The following RALGAPA2 variants were observed in gnomAD, a reference collection of about 807,000 sequenced individuals.
RALGAPA2 encodes ral GTPase-activating protein subunit alpha-2.
Under a neutral mutation model 230.4 loss-of-function variants are expected in RALGAPA2, and 139 were observed. The observed-to-expected ratio is 0.60, with a 90% CI of 0.53 to 0.69. RALGAPA2 has a LOEUF of 0.69. Among genes scored for constraint, RALGAPA2 ranks in the 30% least tolerant of loss-of-function variants. The pLI is 0.00. For missense variants in RALGAPA2, 2,163 were observed against 2,276.0 expected, an observed-to-expected ratio of 0.95 and a Z score of 1.01; for synonymous variants, 847 against 837.8, an observed-to-expected ratio of 1.01 and a Z score of -0.19.
Position 20,513,123 on chromosome 20 carries a change from G to T in RALGAPA2, c.4246C>A (p.Leu1416Met). 6.4e-7 allele frequency: 1 copy of T among 1,573,046 alleles called. No individual in the cohort carries two copies. Among genetic ancestry groups the T allele is most frequent in the Non-Finnish European group, 8.6e-7 (1 of 1,162,858 alleles). ...GGACTTCTGAACACCTCAAAGGACAGCTCGGAGCCTTCCACATGGGCATTG... is the reference window on the plus strand; with the variant it reads ...GGACTTCTGAACACCTCAAAGGACATCTCGGAGCCTTCCACATGGGCATTG... The part of the protein sequence containing the change: ...HDNAHVEGSE[L>M]SFEVFRSPNL... The change falls in exon 32 of 40, where the codon CTG (leucine) becomes ATG (methionine). Residue 1416 changes from leucine to methionine, a missense_variant. Physicochemically the swap from Leu to Met is conservative, Grantham distance 15. Transcript: ENST00000202677.
At chr20:20,702,639 G>A (rs1172578813) in intron 1 of RALGAPA2, among the ~76,000 whole-genome samples, 2 of 152,316 alleles carry the variant, frequency 1.3e-5, no homozygotes, top group African/African-American at 2.4e-5. Flanking sequence ...GGTAGATTCA[G>A]GGAGCAGCAG....
intron 23 of RALGAPA2, among the ~76,000 whole-genome samples, chr20:20,554,079 C>T (rs540529722): frequency 4.6e-5 from 7 of 152,116 alleles, no homozygotes; most frequent in South Asian, 2.1e-4. Flanking sequence ...ATTGTGCAAC[C>T]GTAGCCACTA....
chr20:20,642,544 T>A (rs2146524615), intron 5 of RALGAPA2, among the ~76,000 whole-genome samples: 1 of 152,268 alleles, frequency 6.6e-6, no homozygotes, highest in African/African-American at 2.4e-5. Flanking sequence ...TTATATTTAA[T>A]TGAACAAGAG....
intron 1 of RALGAPA2, among the ~76,000 whole-genome samples, chr20:20,694,550 C>T (rs2069036536): frequency 6.6e-6 from 1 of 152,200 alleles, no homozygotes; most frequent in African/African-American, 2.4e-5. Flanking sequence ...CTCACAGGCA[C>T]ACAATCTGCT....
intron 18 of RALGAPA2, 60 bp downstream of exon 18, chr20:20,589,208 C>G: frequency 6.7e-7 from 1 of 1,482,566 alleles, no homozygotes; most frequent in Non-Finnish European, 9.0e-7. Flanking sequence ...AATTTACTTA[C>G]TGAGCACTAA....
intron 37 of RALGAPA2, among the ~76,000 whole-genome samples, chr20:20,450,221 A>G (rs2060957728): frequency 6.6e-6 from 1 of 152,226 alleles, no homozygotes; most frequent in Non-Finnish European, 1.5e-5. Flanking sequence ...ACTAACATCA[A>G]TTAGATGCTT....
intron 37 of RALGAPA2, among the ~76,000 whole-genome samples, chr20:20,441,423 C>T (rs766022868): frequency 6.6e-6 from 1 of 152,208 alleles, no homozygotes; most frequent in Non-Finnish European, 1.5e-5. Context: ...TTGAAACAAA[C>T]AAACAGCTAG....
At chr20:20,663,304 T>A (rs73296917) in intron 3 of RALGAPA2, among the ~76,000 whole-genome samples, 1,686 of 152,138 alleles carry the variant, frequency 0.011, 30 homozygotes, top group African/African-American at 0.039. Context: ...AAATAAACAG[T>A]AGTCCTCCCT....
chr20:20,613,947 G>C (rs1313793229), intron 13 of RALGAPA2, among the ~76,000 whole-genome samples: 1 of 152,154 alleles, frequency 6.6e-6, no homozygotes, highest in African/African-American at 2.4e-5. Flanking sequence ...TTGTTTTCTA[G>C]GTTTTTAATG....
At chr20:20,599,834 A>G (rs926766140) in intron 16 of RALGAPA2, among the ~76,000 whole-genome samples, 3 of 152,026 alleles carry the variant, frequency 2.0e-5, no homozygotes, top group East Asian at 1.9e-4. Flanking sequence ...TTAGCTGGGC[A>G]TGGTGGTGCA....
chr20:20,538,987 G>A (rs575942637), intron 24 of RALGAPA2, among the ~76,000 whole-genome samples: 15 of 152,132 alleles, frequency 9.9e-5, no homozygotes, highest in Admixed American at 6.5e-4. Flanking sequence ...ATGTTCTTTT[G>A]TGTCTGACTT....
intron 34 of RALGAPA2, chr20:20,505,207 A>G: frequency 5.1e-6 from 5 of 976,784 alleles, no homozygotes; most frequent in Non-Finnish European, 6.1e-6. Flanking sequence ...TATTAAGAGG[A>G]AAGTTAAAGG....
chr20:20,680,883 G>T (rs1444715731), intron 1 of RALGAPA2, 82 bp from the exon 2 acceptor site: 2 of 1,495,068 alleles, frequency 1.3e-6, no homozygotes, highest in Non-Finnish European at 8.9e-7. Flanking sequence ...AGAAAAGAAG[G>T]CAAGTACAAC....
chr20:20,712,250 G>A lies in RALGAPA2; in HGVS notation c.106+125C>T. 2.2e-6 allele frequency: 2 copies of A among 907,480 alleles called. No individual in the cohort carries two copies. The highest frequency in any genetic ancestry group is 3.7e-5 in the South Asian group (2 of 53,954). 56.2% of individuals were successfully genotyped at this position (907,480 alleles called of 1,614,324 possible). On this transcript the variant is annotated intron_variant, in intron 1 of 39. Transcript: ENST00000202677. This position sits in a 1 kb window ranked among gnomAD's most constrained non-coding sequence, Gnocchi z 5.5. ...GGGTCCAAGCCCAGATCCAGGGAAG[G>A]GGGTCGGACGCCCACCCATCCCCCT...
intron 4 of RALGAPA2, among the ~76,000 whole-genome samples, chr20:20,646,619 T>C (rs1042868444): frequency 2.0e-5 from 3 of 152,198 alleles, no homozygotes; most frequent in African/African-American, 4.8e-5. Context: ...ATCCTTTGAA[T>C]GTAAGTCTTA....
chr20:20,669,248 C>A (rs2068056876), intron 3 of RALGAPA2, among the ~76,000 whole-genome samples: 1 of 152,174 alleles, frequency 6.6e-6, no homozygotes, highest in African/African-American at 2.4e-5. Flanking sequence ...CCAAACTATT[C>A]TATTTCTCTA....
At chr20:20,661,667 T>C (rs2067781628) in intron 3 of RALGAPA2, among the ~76,000 whole-genome samples, 1 of 152,128 alleles carries the variant, frequency 6.6e-6, no homozygotes, top group African/African-American at 2.4e-5. Context: ...TACACAGATG[T>C]GTACTGGTTA....
intron 26 of RALGAPA2, among the ~76,000 whole-genome samples, chr20:20,533,857 CAATAAA>C (rs2063430504): frequency 6.6e-6 from 1 of 151,746 alleles, no homozygotes; most frequent in Non-Finnish European, 1.5e-5. Context: ...TAGTAACTAG[CAATAAA>C]AATATAGTCT....
At chr20:20,424,106 C>T (rs1483452221) in intron 37 of RALGAPA2, among the ~76,000 whole-genome samples, 1 of 152,218 alleles carries the variant, frequency 6.6e-6, no homozygotes, top group Non-Finnish European at 1.5e-5. Context: ...AGGCGCTCCA[C>T]ACATGCAACG....
Sources: gnomAD v4.1 joint callset for allele counts (sites outside exome capture counted in the v4.1 genomes callset) on GRCh38, gnomAD v4.1.1 for gene constraint, Gnocchi (gnomAD v3.1) non-coding constraint, MANE v1.5 for transcripts, NCBI Gene and HGNC (gene_info 2026-07-23, HGNC 2026-07-21) for gene names.